Variants in CSMD1 observed in about 807,000 individuals in gnomAD.
The protein encoded by CSMD1 is CUB and sushi domain-containing protein 1.
Under a neutral mutation model 417.5 loss-of-function variants are expected in CSMD1, and 213 were observed. That is an observed-to-expected ratio of 0.51 (90% confidence interval 0.46 to 0.57). CSMD1 has a LOEUF of 0.57. CSMD1 is among the 20% of genes least tolerant of loss of function. CSMD1 has a pLI of 0.00. For synonymous variants in CSMD1, 2,862 were observed against 1,736.8 expected, an observed-to-expected ratio of 1.65 and a Z score of -16.11; for missense variants, 6,923 against 4,529.7, an observed-to-expected ratio of 1.53 and a Z score of -15.17.
chr8:3,528,657 G>C lies in CSMD1; in HGVS notation c.1345-34931C>G, dbSNP rs567197608. Reference sequence around the variant, plus strand: ...AATTAAATGTCTTGAAATTCTTCTTGATTTCTGGGACATGGTGGCTGCACC... The same window carrying C: ...AATTAAATGTCTTGAAATTCTTCTTCATTTCTGGGACATGGTGGCTGCACC... On this transcript the variant is annotated intron_variant, in intron 10 of 69. Transcript: ENST00000635120. 2.6e-5 allele frequency among the ~76,000 whole-genome samples: 4 copies of C among 152,250 alleles called. No individual in the cohort carries two copies. In the South Asian group the frequency reaches 8.3e-4, roughly 32 times the overall value.
chr8:4,607,121 C>CT (rs749308106), intron 2 of CSMD1, among the ~76,000 whole-genome samples: 37 of 151,940 alleles, frequency 2.4e-4, no homozygotes, highest in African/African-American at 3.9e-4. Context: ...GTTTGGAGCA[C>CT]TTTTTTTTAC....
At chr8:4,449,820 C>A (rs182711664) in intron 2 of CSMD1, among the ~76,000 whole-genome samples, 3 of 152,276 alleles carry the variant, frequency 2.0e-5, no homozygotes, top group Non-Finnish European at 2.9e-5. Flanking sequence ...CAAGCTTCCC[C>A]TCCTACGTTC....
intron 3 of CSMD1, among the ~76,000 whole-genome samples, chr8:4,138,546 T>C (rs1335810090): frequency 6.6e-6 from 1 of 152,186 alleles, no homozygotes; most frequent in Non-Finnish European, 1.5e-5. Flanking sequence ...GATGGCTATT[T>C]TATCTAAGAA....
intron 59 of CSMD1, among the ~76,000 whole-genome samples, chr8:2,965,334 G>A (rs903894729): frequency 7.9e-5 from 12 of 152,092 alleles, no homozygotes; most frequent in African/African-American, 2.7e-4. Flanking sequence ...GAAACATCAC[G>A]GTGCTAACAC....
At chr8:4,237,845 T>C (rs1255288453) in intron 3 of CSMD1, among the ~76,000 whole-genome samples, 1 of 152,162 alleles carries the variant, frequency 6.6e-6, no homozygotes, top group African/African-American at 2.4e-5. Context: ...AAGCTTTATA[T>C]TGTATTATTT....
intron 1 of CSMD1, among the ~76,000 whole-genome samples, chr8:4,675,204 G>T (rs191659150): frequency 6.6e-6 from 1 of 152,240 alleles, no homozygotes; most frequent in East Asian, 1.9e-4. Context: ...CTGTTCTAGT[G>T]AACAATTCTT....
chr8:4,495,444 G>A (rs532024968), intron 2 of CSMD1, among the ~76,000 whole-genome samples: 21 of 152,118 alleles, frequency 1.4e-4, no homozygotes, highest in Non-Finnish European at 2.4e-4. Context: ...GCCTGGTGAC[G>A]TGTGCCTGTA....
chr8:3,001,337 TC>T (rs1434110148), intron 52 of CSMD1, among the ~76,000 whole-genome samples: 1 of 152,112 alleles, frequency 6.6e-6, no homozygotes, highest in African/African-American at 2.4e-5. Context: ...TCTTTACTGC[TC>T]TCACTTTTCC....
chr8:3,634,650 TGG>T (rs1437732162), intron 7 of CSMD1, among the ~76,000 whole-genome samples: 1 of 152,136 alleles, frequency 6.6e-6, no homozygotes. Context: ...AGAGTGGTAC[TGG>T]GGACACCTCA....
chr8:4,083,694 G>C (rs556176423), intron 3 of CSMD1, among the ~76,000 whole-genome samples: 171 of 152,246 alleles, frequency 1.1e-3, no homozygotes, highest in African/African-American at 3.9e-3. Flanking sequence ...ATCAATTCAA[G>C]ATGGATTAAA....
At chr8:4,447,909 T>C (rs1257694576) in intron 2 of CSMD1, among the ~76,000 whole-genome samples, 1 of 152,144 alleles carries the variant, frequency 6.6e-6, no homozygotes, top group Admixed American at 6.5e-5. Flanking sequence ...TTACTCATCT[T>C]TCGGAAATGA....
chr8:3,465,194 C>G (rs1352507223), intron 12 of CSMD1, among the ~76,000 whole-genome samples: 1 of 152,138 alleles, frequency 6.6e-6, no homozygotes, highest in East Asian at 1.9e-4. Context: ...TCCTCCCTGC[C>G]TATCCTCCAC....
chr8:3,448,372 A>G, intron 12 of CSMD1, among the ~76,000 whole-genome samples: 1 of 17,126 alleles, frequency 5.8e-5, no homozygotes, highest in Non-Finnish European at 1.2e-4. Context: ...GAAGGGAGGA[A>G]GGGAGGGGGA....
At chr8:2,966,978 C>T (rs1353732028) in intron 57 of CSMD1, among the ~76,000 whole-genome samples, 1 of 152,172 alleles carries the variant, frequency 6.6e-6, no homozygotes. Context: ...CTAAAGTGAA[C>T]TATTTCTAAA....
chr8:3,722,121 T>G (rs1021642961), intron 6 of CSMD1, among the ~76,000 whole-genome samples: 1 of 152,036 alleles, frequency 6.6e-6, no homozygotes, highest in African/African-American at 2.4e-5. Context: ...GGCAGGTGGA[T>G]CACTTGAGGT....
intron 5 of CSMD1, among the ~76,000 whole-genome samples, chr8:3,864,086 C>T (rs533240918): frequency 2.6e-5 from 4 of 151,972 alleles, no homozygotes; most frequent in Admixed American, 6.6e-5. Context: ...AGTAAACATA[C>T]AATATTTTCA....
At chr8:2,980,143 T>C (rs1805280424) in intron 54 of CSMD1, among the ~76,000 whole-genome samples, 1 of 152,224 alleles carries the variant, frequency 6.6e-6, no homozygotes, top group Admixed American at 6.5e-5. Flanking sequence ...TGTGCTTATG[T>C]TGCTCTTAGG....
intron 50 of CSMD1, among the ~76,000 whole-genome samples, chr8:3,037,849 C>T (rs1438082009): frequency 6.6e-6 from 1 of 152,148 alleles, no homozygotes; most frequent in Non-Finnish European, 1.5e-5. Flanking sequence ...GGTCTCAAGG[C>T]ATTAAGTTCT....
intron 6 of CSMD1, among the ~76,000 whole-genome samples, chr8:3,729,847 C>T (rs925459135): frequency 2.7e-5 from 4 of 145,982 alleles, no homozygotes; most frequent in African/African-American, 7.8e-5. Context: ...TTGCATATTC[C>T]ATGTATTGAA....
Sources: allele counts gnomAD v4.1 joint callset (sites outside exome capture counted in the v4.1 genomes callset), GRCh38; gene constraint gnomAD v4.1.1; transcripts MANE v1.5; gene names NCBI Gene and HGNC (gene_info 2026-07-23, HGNC 2026-07-21).